NR3C2: variants seen among roughly 807,000 people sequenced by gnomAD.
NR3C2 encodes the protein mineralocorticoid receptor.
NR3C2 carries 15 observed loss-of-function variants against 86.4 expected under a neutral mutation model. That is an observed-to-expected ratio of 0.17 (90% CI 0.12 to 0.27). The LOEUF is 0.27. Ranked by LOEUF, NR3C2 falls within the 10% of genes least tolerant of loss-of-function variation. The probability of loss-of-function intolerance (pLI) is 1.00; values close to 1 mark genes in which losing one functional copy is unlikely to be tolerated. For missense variants in NR3C2, 960 were observed against 1,195.6 expected, an observed-to-expected ratio of 0.80 and a Z score of 2.91; for synonymous variants, 458 against 450.5, an observed-to-expected ratio of 1.02 and a Z score of -0.21.
chr4:148,082,278 C>T (rs1313959778), intron 8 of NR3C2, among the ~76,000 whole-genome samples: 3 of 152,208 alleles, frequency 2.0e-5, no homozygotes, highest in Admixed American at 6.5e-5. Context: ...GCTGGCAATA[C>T]GGCCAAATAG....
chr4:148,196,580 C>G (rs538532698), intron 3 of NR3C2, among the ~76,000 whole-genome samples: 2 of 152,106 alleles, frequency 1.3e-5, no homozygotes, highest in African/African-American at 2.4e-5. Context: ...CCATCATGTT[C>G]CCTTGATTTA....
chr4:148,237,858 C>A (rs933575400), intron 3 of NR3C2, among the ~76,000 whole-genome samples: 1 of 152,030 alleles, frequency 6.6e-6, no homozygotes, highest in Non-Finnish European at 1.5e-5. Context: ...TAACATCATT[C>A]ATTTAAATAC....
At chr4:148,343,264 G>A (rs1744835705) in intron 2 of NR3C2, among the ~76,000 whole-genome samples, 1 of 152,084 alleles carries the variant, frequency 6.6e-6, no homozygotes. Flanking sequence ...GCTGGTCCTT[G>A]TTATTTTATC....
intron 2 of NR3C2, among the ~76,000 whole-genome samples, chr4:148,364,811 TG>T (rs1298519021): frequency 3.2e-5 from 4 of 123,650 alleles, no homozygotes; most frequent in South Asian, 2.9e-4. Context: ...GTTTTGGCTT[TG>T]GGTTTTTTTT....
intron 2 of NR3C2, among the ~76,000 whole-genome samples, chr4:148,282,327 G>A (rs1369939380): frequency 6.6e-6 from 1 of 152,114 alleles, no homozygotes; most frequent in Non-Finnish European, 1.5e-5. Context: ...ACTGTGCCCG[G>A]CCATAATTTT....
intron 2 of NR3C2, among the ~76,000 whole-genome samples, chr4:148,312,516 G>A (rs1349920094): frequency 3.3e-5 from 5 of 152,088 alleles, no homozygotes; most frequent in Non-Finnish European, 5.9e-5. Context: ...ACTCTGCTAT[G>A]GATATATCCT....
chr4:148,276,770 G>A (rs1740982394), intron 2 of NR3C2, among the ~76,000 whole-genome samples: 1 of 152,126 alleles, frequency 6.6e-6, no homozygotes, highest in South Asian at 2.1e-4. Context: ...AGAGAAAAGT[G>A]CGGTAGCACT....
chr4:148,300,401 A>T (rs181141321), intron 2 of NR3C2, among the ~76,000 whole-genome samples: 3 of 152,214 alleles, frequency 2.0e-5, no homozygotes, highest in Non-Finnish European at 2.9e-5. Context: ...TGGCACAGCT[A>T]AAGTCAGGTA....
chr4:148,099,074 G>GTGTTCTACCCATTGCAAGC, intron 8 of NR3C2, among the ~76,000 whole-genome samples: 1 of 152,288 alleles, frequency 6.6e-6, no homozygotes, highest in Middle Eastern at 3.4e-3. Context: ...CACCTGCAAG[G>GTGTTCTACCCATTGCAAGC]TGTTCTACCC....
At chr4:148,388,056 G>C (rs1267532046) in intron 2 of NR3C2, among the ~76,000 whole-genome samples, 2 of 152,154 alleles carry the variant, frequency 1.3e-5, no homozygotes, top group Non-Finnish European at 2.9e-5. Context: ...ATTCTGAACT[G>C]CCACCTCTTC....
intron 6 of NR3C2, among the ~76,000 whole-genome samples, chr4:148,134,823 ATT>A (rs1174671392): frequency 7.2e-6 from 1 of 139,382 alleles, no homozygotes. Context: ...TAATTTTTGT[ATT>A]TTTTTTTTTT....
At chr4:148,192,111 C>G (rs1736224899) in intron 4 of NR3C2, among the ~76,000 whole-genome samples, 1 of 152,184 alleles carries the variant, frequency 6.6e-6, no homozygotes, top group Non-Finnish European at 1.5e-5. Context: ...CTCATTTGTG[C>G]AGGCTCTGTC....
intron 1 of NR3C2, among the ~76,000 whole-genome samples, chr4:148,439,197 T>C (rs901776539): frequency 6.6e-6 from 1 of 152,210 alleles, no homozygotes; most frequent in African/African-American, 2.4e-5. Context: ...TAGCTATGTA[T>C]TGAAAAATAG....
intron 4 of NR3C2, among the ~76,000 whole-genome samples, chr4:148,157,069 A>G (rs528571883): frequency 6.8e-6 from 1 of 148,000 alleles, no homozygotes; most frequent in African/African-American, 2.5e-5. Flanking sequence ...AAAACCAAAC[A>G]CCGCAGGTTC....
chr4:148,265,519 A>G (rs1740339103), intron 2 of NR3C2, among the ~76,000 whole-genome samples: 1 of 152,240 alleles, frequency 6.6e-6, no homozygotes, highest in Admixed American at 6.5e-5. Context: ...CAGTAATTTC[A>G]TAACAAAACA....
chr4:148,263,355 C>T (rs1579080705), intron 2 of NR3C2, among the ~76,000 whole-genome samples: 1 of 152,314 alleles, frequency 6.6e-6, no homozygotes, highest in South Asian at 2.1e-4. Flanking sequence ...CTCAACTATC[C>T]AATCTAATCA....
chr4:148,204,817 G>A (rs1316917794), intron 3 of NR3C2, among the ~76,000 whole-genome samples: 2 of 152,142 alleles, frequency 1.3e-5, no homozygotes, highest in Non-Finnish European at 1.5e-5. Flanking sequence ...TACATCATAC[G>A]TAGGATGCCA....
At chr4:148,377,380 C>T (rs905628228) in intron 2 of NR3C2, among the ~76,000 whole-genome samples, 3 of 152,080 alleles carry the variant, frequency 2.0e-5, no homozygotes, top group Non-Finnish European at 4.4e-5. Context: ...CATGTCTTTT[C>T]AATTATTGTG....
intron 2 of NR3C2, among the ~76,000 whole-genome samples, chr4:148,325,405 T>C (rs1206984516): frequency 6.6e-6 from 1 of 152,208 alleles, no homozygotes; most frequent in Non-Finnish European, 1.5e-5. Flanking sequence ...TTTTAACTTC[T>C]CTCTTTTTTT....
Sources: allele counts gnomAD v4.1 joint callset (sites outside exome capture counted in the v4.1 genomes callset), GRCh38; gene constraint gnomAD v4.1.1; transcripts MANE v1.5; gene names NCBI Gene and HGNC (gene_info 2026-07-23, HGNC 2026-07-21).